Variants in PAPOLA observed in about 807,000 individuals in gnomAD.
PAPOLA encodes poly(A) polymerase alpha, also known as polynucleotide adenylyltransferase alpha.
Under a neutral mutation model 100.6 loss-of-function variants are expected in PAPOLA, and 15 were observed. The observed-to-expected ratio is 0.15, with a 90% confidence interval of 0.10 to 0.23. The LOEUF is 0.23. Ranked by LOEUF, PAPOLA falls within the 10% of genes least tolerant of loss-of-function variation. The pLI is 1.00. For missense variants in PAPOLA, 533 were observed against 884.2 expected (o/e 0.60, Z 5.04); for synonymous variants, 293 against 300.0 (o/e 0.98, Z 0.24).
chr14:96,516,472 A>G (rs944847579), intron 1 of PAPOLA, among the ~76,000 whole-genome samples: 1 of 150,292 alleles, frequency 6.7e-6, no homozygotes, highest in African/African-American at 2.5e-5. Flanking sequence ...CTGAGTAGCT[A>G]GGACTACGGG....
At chr14:96,552,696 TA>T (rs1900945753) in intron 17 of PAPOLA, 74 bp downstream of exon 17, 1 of 1,291,094 alleles carries the variant, frequency 7.7e-7, no homozygotes, top group Admixed American at 2.2e-5. Context: ...TTTTTGCTAT[TA>T]AAGTCATCTA....
chr14:96,557,565 T>C (rs1304861150), intron 19 of PAPOLA, among the ~76,000 whole-genome samples: 5 of 140,920 alleles, frequency 3.5e-5, no homozygotes, highest in South Asian at 4.5e-4. Context: ...ACCAATTTCA[T>C]TGTGTTTTTT....
intron 6 of PAPOLA, among the ~76,000 whole-genome samples, chr14:96,529,819 G>T (rs1271637461): frequency 6.6e-6 from 1 of 152,130 alleles, no homozygotes; most frequent in Non-Finnish European, 1.5e-5. Context: ...TACCCTCAGG[G>T]ATAACTACCA....
chr14:96,552,613 G>C lies in PAPOLA; in HGVS notation c.1655G>C (p.Ser552Thr). 1.9e-6 allele frequency: 3 copies of C among 1,612,302 alleles called. No homozygotes were observed. The highest frequency in any genetic ancestry group is 2.5e-6 in the Non-Finnish European group (3 of 1,179,348). The change falls in exon 17 of 22, where the codon AGC becomes ACC. Residue 552 changes from serine (S) to threonine (T), a missense_variant. By Grantham distance (58) the Ser-to-Thr change is moderately conservative. Transcript: ENST00000216277. The part of the protein sequence containing the change: ...TKTSPLNSSG[S>T]SQGRNSPAPA... ...ACCAGTCCATTGAACAGTTCTGGCA[G>C]CTCTCAGGGGTAAGGAAAAAGAGGG...
intron 1 of PAPOLA, among the ~76,000 whole-genome samples, chr14:96,514,833 T>C (rs1018020753): frequency 2.0e-5 from 3 of 152,214 alleles, no homozygotes; most frequent in African/African-American, 7.2e-5. Flanking sequence ...TCTGCAGAGA[T>C]GCAACTTACC....
intron 21 of PAPOLA, 38 bp from the exon 22 acceptor site, chr14:96,564,917 G>T: frequency 9.8e-7 from 1 of 1,025,448 alleles, no homozygotes; most frequent in Non-Finnish European, 1.6e-6. Context: ...AAATTATGGT[G>T]CTTTGAACAA....
chr14:96,524,195 A>T (rs1898260989), intron 3 of PAPOLA, among the ~76,000 whole-genome samples: 1 of 152,054 alleles, frequency 6.6e-6, no homozygotes, highest in Non-Finnish European at 1.5e-5. Flanking sequence ...GGAAATATTG[A>T]CTAAACACTT....
chr14:96,552,849 G>A (rs1392590268), intron 17 of PAPOLA: 5 of 492,794 alleles, frequency 1.0e-5, no homozygotes, highest in Non-Finnish European at 1.8e-5. Flanking sequence ...TCAGTCAGAT[G>A]TGAATGAATG....
chr14:96,534,713 G>T, intron 10 of PAPOLA, 150 bp downstream of exon 10: 1 of 1,458,524 alleles, frequency 6.9e-7, no homozygotes, highest in South Asian at 1.5e-5. Context: ...AACTATAATT[G>T]TCCTCAACTA....
intron 6 of PAPOLA, among the ~76,000 whole-genome samples, chr14:96,528,254 C>T (rs1484631047): frequency 2.6e-5 from 4 of 152,154 alleles, no homozygotes; most frequent in Non-Finnish European, 5.9e-5. Context: ...AATGCTATTA[C>T]AAAAAAGTTT....
chr14:96,507,283 T>G (rs1435404764), intron 1 of PAPOLA, among the ~76,000 whole-genome samples: 27 of 107,030 alleles, frequency 2.5e-4, no homozygotes, highest in African/African-American at 1.2e-3. Context: ...GAAAATAGTT[T>G]TTTTTTTTTT....
rs1258137830 is a variant in PAPOLA, at chr14:96,560,663, A to G, written c.2019A>G (p.Glu673=). The G allele has an allele frequency of 6.2e-7, 1 of 1,606,668 alleles. No homozygotes were observed. The highest frequency in any genetic ancestry group is 8.5e-7 in the Non-Finnish European group (1 of 1,175,264). The change falls in exon 20 of 22, where the codon GAA becomes GAG. Residue 673 remains glutamate, a synonymous_variant. Transcript: ENST00000216277. ...TTTAAAAACAGGATGAAACAAGTGA[A>G]GATGCTAACTGTCTTGCTTTGAGTG... ...KTKTEEDETS[E]DANCLALSGH...
intron 11 of PAPOLA, 152 bp from the exon 12 acceptor site, chr14:96,536,824 T>A (rs1899575848): frequency 3.5e-6 from 2 of 566,180 alleles, no homozygotes; most frequent in Non-Finnish European, 6.4e-6. Context: ...TGTATATATA[T>A]AAGAGTATGC....
intron 19 of PAPOLA, among the ~76,000 whole-genome samples, chr14:96,559,577 C>A (rs951201276): frequency 0.014 from 1,563 of 110,514 alleles, 10 homozygotes; most frequent in Admixed American, 0.019. Flanking sequence ...CTCTCTCTCT[C>A]TCTCTATATA....
intron 21 of PAPOLA, among the ~76,000 whole-genome samples, chr14:96,563,900 C>G (rs1414375379): frequency 1.3e-5 from 2 of 151,948 alleles, no homozygotes; most frequent in African/African-American, 4.8e-5. Context: ...CACATACTCT[C>G]GGGACTTATT....
chr14:96,522,108 CTTTCTTTCTTTTTTT>C (rs1392836550), intron 3 of PAPOLA, among the ~76,000 whole-genome samples: 1 of 98,336 alleles, frequency 1.0e-5, no homozygotes, highest in South Asian at 4.0e-4. Flanking sequence ...TAGCCTCTTT[CTTTCTTTCTTTTTTT>C]TTTTTTTTTT....
At chr14:96,528,728 A>G (rs1158655567) in intron 6 of PAPOLA, among the ~76,000 whole-genome samples, 1 of 152,230 alleles carries the variant, frequency 6.6e-6, no homozygotes, top group Non-Finnish European at 1.5e-5. Context: ...CTCTTTAAAA[A>G]ATAAAAAAGA....
At chr14:96,543,901 A>T (rs1487919954) in intron 14 of PAPOLA, among the ~76,000 whole-genome samples, 5 of 152,112 alleles carry the variant, frequency 3.3e-5, no homozygotes, top group Non-Finnish European at 7.4e-5. Flanking sequence ...AATCATCATT[A>T]AGGACATTGA....
At chr14:96,514,752 T>C (rs1203479446) in intron 1 of PAPOLA, among the ~76,000 whole-genome samples, 1 of 152,232 alleles carries the variant, frequency 6.6e-6, no homozygotes, top group Non-Finnish European at 1.5e-5. Context: ...TTTAGTGTTA[T>C]GTGTTGTAGT....
Sources: gnomAD v4.1 joint callset for allele counts (sites outside exome capture counted in the v4.1 genomes callset) on GRCh38, gnomAD v4.1.1 for gene constraint, MANE v1.5 for transcripts, NCBI Gene and HGNC (gene_info 2026-07-23, HGNC 2026-07-21) for gene names.